The following CLVS1 variants were observed in gnomAD, a reference collection of about 807,000 sequenced individuals.
CLVS1 encodes clavesin-1.
Under a neutral mutation model 33.1 loss-of-function variants are expected in CLVS1, and 10 were observed. The ratio of observed to expected loss-of-function variants is 0.30; its 90% confidence interval spans 0.19 to 0.51. CLVS1 has a LOEUF of 0.51. Among genes scored for constraint, CLVS1 ranks in the 20% least tolerant of loss-of-function variants. The pLI is 0.97. For synonymous variants in CLVS1, 163 were observed against 166.1 expected (o/e 0.98, Z 0.14); for missense variants, 343 against 433.4 (o/e 0.79, Z 1.85).
intron 2 of CLVS1, among the ~76,000 whole-genome samples, chr8:61,160,390 C>T (rs1806729182): frequency 6.6e-6 from 1 of 152,118 alleles, no homozygotes; most frequent in South Asian, 2.1e-4. Flanking sequence ...GTAAACAAAA[C>T]AAAACAAGCA....
chr8:61,422,559 G>A (rs1054109157), intron 3 of CLVS1, among the ~76,000 whole-genome samples: 2 of 152,156 alleles, frequency 1.3e-5, no homozygotes, highest in Admixed American at 1.3e-4. Flanking sequence ...AATTGCTTCA[G>A]CTGTTTTCTT....
At chr8:60,998,629 T>G in the CLVS1 span, among the ~76,000 whole-genome samples, 1 of 152,210 alleles carries the variant, frequency 6.6e-6, no homozygotes, top group Non-Finnish European at 1.5e-5. Context: ...AATTTGTGCC[T>G]TTTAGAGCAA....
intron 1 of CLVS1, among the ~76,000 whole-genome samples, chr8:61,081,383 C>T (rs967015439): frequency 6.6e-6 from 1 of 152,152 alleles, no homozygotes; most frequent in Non-Finnish European, 1.5e-5. Flanking sequence ...TAAGTGTGTC[C>T]AAGCTTCCCC....
chr8:61,035,187 CTTTT>C, the CLVS1 span, among the ~76,000 whole-genome samples: 102 of 129,410 alleles, frequency 7.9e-4, no homozygotes, highest in African/African-American at 2.7e-3. Flanking sequence ...TTTCTTTTTT[CTTTT>C]TTTTTTTTTT....
intron 2 of CLVS1, among the ~76,000 whole-genome samples, chr8:61,305,753 A>G (rs554816761): frequency 6.6e-6 from 1 of 151,996 alleles, no homozygotes; most frequent in East Asian, 1.9e-4. Context: ...GTTCCCCTTT[A>G]TGTGTCCATG....
the CLVS1 span, chr8:60,965,316 G>C: frequency 1.3e-5 from 2 of 152,302 alleles, no homozygotes; most frequent in Admixed American, 1.3e-4. Flanking sequence ...AGGGGCACAC[G>C]GGCCTCTGGG....
chr8:61,288,280 C>G (rs540311089), intron 1 of CLVS1, 142 bp downstream of exon 1: 26 of 456,372 alleles, frequency 5.7e-5, no homozygotes, highest in Admixed American at 1.9e-4. Context: ...CTCCATCCCT[C>G]CCGCACCGCA....
At chr8:60,971,568 A>G in the CLVS1 span, among the ~76,000 whole-genome samples, 1 of 152,092 alleles carries the variant, frequency 6.6e-6, no homozygotes, top group Non-Finnish European at 1.5e-5. Context: ...AAAGGCTTCC[A>G]GAGGTGCAGA....
intron 3 of CLVS1, among the ~76,000 whole-genome samples, chr8:61,409,139 A>G (rs1244455118): frequency 6.6e-6 from 1 of 152,260 alleles, no homozygotes; most frequent in Admixed American, 6.5e-5. Context: ...ACATATTTCA[A>G]TATGACTGAC....
At chr8:61,220,999 G>T (rs1460541432) in intron 2 of CLVS1, among the ~76,000 whole-genome samples, 2 of 152,150 alleles carry the variant, frequency 1.3e-5, no homozygotes, top group Non-Finnish European at 2.9e-5. Context: ...TATTATTGGT[G>T]TAAAGGAATG....
At chr8:60,996,902 C>G in the CLVS1 span, among the ~76,000 whole-genome samples, 2 of 151,994 alleles carry the variant, frequency 1.3e-5, no homozygotes, top group African/African-American at 2.4e-5. Context: ...AGAGGCACAC[C>G]ACTGAGGCAA....
chr8:61,246,800 CT>C (rs1808820113), intron 2 of CLVS1, among the ~76,000 whole-genome samples: 1 of 151,952 alleles, frequency 6.6e-6, no homozygotes, highest in Non-Finnish European at 1.5e-5. Context: ...TATTTTCTTT[CT>C]TTTTTTAAAA....
intron 2 of CLVS1, among the ~76,000 whole-genome samples, chr8:61,282,669 A>C (rs549484907): frequency 5.3e-5 from 8 of 152,318 alleles, no homozygotes; most frequent in African/African-American, 1.9e-4. Context: ...TTGCTTGAAA[A>C]GTTCTTGCAG....
At chr8:61,119,702 C>G (rs1237582248) in intron 1 of CLVS1, among the ~76,000 whole-genome samples, 2 of 134,448 alleles carry the variant, frequency 1.5e-5, no homozygotes, top group Non-Finnish European at 3.1e-5. Context: ...ATATTGGCCC[C>G]CACTCTCTTC....
At chr8:61,325,344 G>T (rs1021892209) in intron 2 of CLVS1, among the ~76,000 whole-genome samples, 1 of 152,030 alleles carries the variant, frequency 6.6e-6, no homozygotes, top group South Asian at 2.1e-4. Context: ...GTACAACTTT[G>T]TCAATTTTAC....
intron 2 of CLVS1, among the ~76,000 whole-genome samples, chr8:61,226,108 C>T (rs117509278): frequency 1.4e-4 from 22 of 152,298 alleles, no homozygotes; most frequent in East Asian, 7.7e-4. Flanking sequence ...GATGCATGGA[C>T]GATACCACCT....
chr8:61,228,487 T>C (rs1421257914), intron 2 of CLVS1, among the ~76,000 whole-genome samples: 1 of 152,218 alleles, frequency 6.6e-6, no homozygotes, highest in African/African-American at 2.4e-5. Context: ...TAGCCTAGCT[T>C]ACCTTAAACA....
chr8:61,238,669 C>T (rs1480291732), intron 2 of CLVS1, among the ~76,000 whole-genome samples: 2 of 152,234 alleles, frequency 1.3e-5, no homozygotes, highest in Non-Finnish European at 2.9e-5. Flanking sequence ...TGGCATCATA[C>T]CACTCTTGGT....
chr8:61,091,535 T>C (rs1374367887), intron 1 of CLVS1, among the ~76,000 whole-genome samples: 1 of 152,230 alleles, frequency 6.6e-6, no homozygotes, highest in Admixed American at 6.5e-5. Flanking sequence ...AGATTTCTTT[T>C]TCCTAGGTGG....
Sources: gnomAD v4.1 joint callset for allele counts (sites outside exome capture counted in the v4.1 genomes callset) on GRCh38, gnomAD v4.1.1 for gene constraint, MANE v1.5 for transcripts, NCBI Gene and HGNC (gene_info 2026-07-23, HGNC 2026-07-21) for gene names.